Variants in CHD6 observed in about 807,000 individuals in gnomAD.
CHD6 encodes ATP-dependent chromatin remodeler CHD6.
A neutral mutation model predicts 276.9 loss-of-function variants in CHD6; 50 were observed. The ratio of observed to expected loss-of-function variants is 0.18; its 90% confidence interval spans 0.14 to 0.23. The LOEUF is 0.23. CHD6 is among the 10% of genes least tolerant of loss of function. CHD6 has a pLI of 1.00. For synonymous variants in CHD6, 1,173 were observed against 1,229.3 expected (o/e 0.95, Z 0.96); for missense variants, 2,564 against 3,365.8 (o/e 0.76, Z 5.89).
At chr20:41,458,534 G>C (rs1418900647) in intron 17 of CHD6, among the ~76,000 whole-genome samples, 1 of 152,120 alleles carries the variant, frequency 6.6e-6, no homozygotes, top group Non-Finnish European at 1.5e-5. Context: ...TGAATGGACT[G>C]AAGGTATCAG....
At chr20:41,580,818 C>A (rs1241171836) in intron 1 of CHD6, among the ~76,000 whole-genome samples, 1 of 151,956 alleles carries the variant, frequency 6.6e-6, no homozygotes, top group Admixed American at 6.6e-5. Context: ...AAATGAAGTA[C>A]ATTTGGTTGT....
chr20:41,606,488 TG>T (rs1288913242), intron 1 of CHD6, among the ~76,000 whole-genome samples: 1 of 152,014 alleles, frequency 6.6e-6, no homozygotes, highest in Admixed American at 6.5e-5. Context: ...CACTCCAGCC[TG>T]GGCGACGGAG....
chr20:41,540,792 A>G (rs1204427984), intron 2 of CHD6, among the ~76,000 whole-genome samples: 1 of 152,198 alleles, frequency 6.6e-6, no homozygotes. Flanking sequence ...CATAAAAACG[A>G]GTAGAAAAGC....
At chr20:41,566,329 C>T (rs2045355150) in intron 1 of CHD6, among the ~76,000 whole-genome samples, 2 of 152,004 alleles carry the variant, frequency 1.3e-5, no homozygotes, top group Non-Finnish European at 2.9e-5. Flanking sequence ...AATGAAGGGG[C>T]AGTGAGATAG....
intron 2 of CHD6, among the ~76,000 whole-genome samples, chr20:41,543,954 G>A (rs1427345836): frequency 6.6e-6 from 1 of 152,082 alleles, no homozygotes; most frequent in East Asian, 1.9e-4. Context: ...AAGTTATGCA[G>A]AGCGGCCAGG....
intron 1 of CHD6, among the ~76,000 whole-genome samples, chr20:41,613,743 G>A (rs939961786): frequency 2.6e-5 from 4 of 152,166 alleles, no homozygotes; most frequent in African/African-American, 7.2e-5. Flanking sequence ...TGGTGGAAAG[G>A]TATGGCGATA....
At chr20:41,467,508 A>G (rs2042948705) in intron 17 of CHD6, among the ~76,000 whole-genome samples, 1 of 149,892 alleles carries the variant, frequency 6.7e-6, no homozygotes, top group Non-Finnish European at 1.5e-5. Flanking sequence ...ATTTTTTAAT[A>G]CATTTGGGGT....
chr20:41,415,068 A>G, intron 34 of CHD6, 118 bp downstream of exon 34: 1 of 1,484,856 alleles, frequency 6.7e-7, no homozygotes, highest in Non-Finnish European at 9.0e-7. Context: ...GAGAAAATAA[A>G]GCAGGACAAC....
At chr20:41,478,234 G>A (rs752276035) in intron 16 of CHD6, among the ~76,000 whole-genome samples, 4 of 152,126 alleles carry the variant, frequency 2.6e-5, no homozygotes, top group Non-Finnish European at 4.4e-5. Flanking sequence ...CCCCCCATCT[G>A]ATGGCCTAAG....
intron 25 of CHD6, among the ~76,000 whole-genome samples, chr20:41,442,307 C>A (rs1194700618): frequency 2.0e-5 from 3 of 152,058 alleles, no homozygotes; most frequent in Non-Finnish European, 2.9e-5. Flanking sequence ...AAAAAATTAG[C>A]CAGGCATGGT....
Position 41,488,595 on chromosome 20 carries a change from G to T in CHD6, c.1690C>A (p.Leu564Ile). ...ACGTGGAACTTGAAGACTCCTGAAA[G>T]GGGGTTTCCCTGAGGATGACACAAC... is the stretch of plus-strand genomic sequence containing the variant. ...MVYRDAQGNP[L>I]SGVFKFHVVI... Residue 564 changes from leucine to isoleucine, a missense_variant, in exon 13 of 37, where the codon CTT becomes ATT. Transcript: ENST00000373233. 1.9e-6 allele frequency: 3 copies of T among 1,612,874 alleles called. No individual in the cohort carries two copies. The highest frequency in any genetic ancestry group is 2.5e-6 in the Non-Finnish European group (3 of 1,179,462).
Position 41,483,349 on chromosome 20 carries a change from G to A in CHD6, c.2428C>T (p.Arg810Cys), listed in dbSNP as rs369595632. ...TAATCTTCTAGGATGTCGAGGCAGC[G>A]CACCATCTGGGAGAAGATGAGTACT... ...HKVLIFSQMV[R>C]CLDILEDYLI... The change falls in exon 16 of 37, where the codon CGC becomes TGC. Residue 810 changes from arginine to cysteine, a missense_variant. Around this residue, in one of 7 missense-constraint regions of CHD6, gnomAD observed 457 missense variants for 889.0 expected, o/e 0.51. Coordinates refer to ENST00000373233, the MANE Select transcript of CHD6 (RefSeq NM_032221.5). 5.6e-6 allele frequency: 9 copies of A among 1,613,654 alleles called. No homozygotes were observed. The highest frequency in any genetic ancestry group is 1.1e-5 in the South Asian group (1 of 91,044).
rs139528910 is a variant in CHD6 at position 41,536,587 on chromosome 20, C to T, written c.34-3017G>A. Among the ~76,000 whole-genome samples the T allele has an allele frequency of 6.4e-3, 971 of 152,236 alleles. 11 individuals carry two copies. The highest frequency in any genetic ancestry group is 0.024 in the Middle Eastern group (7 of 294). ...TAAGAAAATCATCCAGAATAATGAG[C>T]GTATCTGCTACAGAATCTTCTTCAT... On this transcript the variant is annotated intron_variant, in intron 2 of 36. Coordinates refer to ENST00000373233, the MANE Select transcript of CHD6 (RefSeq NM_032221.5).
rs2048409223 is a variant in CHD6 at position 41,457,427 on chromosome 20, G to C, written c.2666C>G (p.Ala889Gly). The change falls in exon 18 of 37, where the codon GCT (alanine) becomes GGT (glycine). Residue 889 changes from alanine to glycine, a missense_variant and splice_region_variant. Around this residue, in one of 7 missense-constraint regions of CHD6, gnomAD observed 457 missense variants for 889.0 expected, o/e 0.51. Coordinates refer to ENST00000373233, the MANE Select transcript of CHD6 (RefSeq NM_032221.5). ...GCCTATGCGGTGACATCGGGCCTGA[G>C]CCTGGGAAGAAGAAGAGTCATATGC... is the stretch of plus-strand genomic sequence containing the variant. Reference protein sequence around the residue: ...SDWNPQNDLQAQARCHRIGQS... With the variant: ...SDWNPQNDLQGQARCHRIGQS... 1 of 1,608,316 alleles carries C rather than the reference G, an allele frequency of 6.2e-7. No homozygotes were observed.
intron 8 of CHD6, chr20:41,496,709 T>C (rs1258620039): frequency 6.6e-6 from 1 of 152,254 alleles, no homozygotes; most frequent in Non-Finnish European, 1.5e-5. Flanking sequence ...ATATGAACTC[T>C]TGTTGCATTA....
Position 41,533,067 on chromosome 20 carries a change from C to T in CHD6, c.537G>A (p.Thr179=), listed in dbSNP as rs200805793. Residue 179 remains threonine (T), a synonymous_variant, in exon 3 of 37, where the codon ACG becomes ACA. Transcript: ENST00000373233. The stretch of plus-strand genomic sequence containing the variant: ...GAACGTACCTGGCCTTCCTGGACTT[C>T]GTCCTGGCTGCAGAGTCAGTGCAGC... ...KRSCTDSAAR[T]KSRKASKEQG... 9 of 1,596,634 alleles carry T rather than the reference C, an allele frequency of 5.6e-6. No individual in the cohort carries two copies. The highest frequency in any genetic ancestry group is 4.5e-5 in the East Asian group (2 of 44,832).
intron 10 of CHD6, among the ~76,000 whole-genome samples, chr20:41,492,154 T>C (rs1186862876): frequency 6.6e-6 from 1 of 152,192 alleles, no homozygotes; most frequent in Non-Finnish European, 1.5e-5. Flanking sequence ...CTTCTTCCAT[T>C]AGACTGTGAG....
In CHD6 at chr20:41,483,374, T is replaced by C. The variant is rs1225089057; in HGVS notation, c.2403A>G (p.Lys801=). 1 of 1,613,888 alleles carries C rather than the reference T, an allele frequency of 6.2e-7. No homozygotes were observed. The highest frequency in any genetic ancestry group is 1.1e-5 in the South Asian group (1 of 91,080). Residue 801 remains lysine, a synonymous_variant, in exon 16 of 37, where the codon AAA becomes AAG. Coordinates refer to ENST00000373233, the MANE Select transcript of CHD6 (RefSeq NM_032221.5). ...LLPKLIAGGH[K]VLIFSQMVRC... ...GCACCATCTGGGAGAAGATGAGTAC[T>C]TTGTGGCCACCTGCAATCAGCTTAG...
chr20:41,544,335 T>C (rs926833470), intron 2 of CHD6, among the ~76,000 whole-genome samples: 1 of 152,166 alleles, frequency 6.6e-6, no homozygotes, highest in Non-Finnish European at 1.5e-5. Context: ...AAATCCTTCA[T>C]CATCACTTTG....
Sources: allele counts gnomAD v4.1 joint callset (sites outside exome capture counted in the v4.1 genomes callset), GRCh38; gene constraint gnomAD v4.1.1; regional missense constraint gnomAD v4.1.1; transcripts MANE v1.5; gene names NCBI Gene and HGNC (gene_info 2026-07-23, HGNC 2026-07-21).